Variants in UBE2D4 observed in about 807,000 individuals in gnomAD.
UBE2D4 encodes ubiquitin conjugating enzyme E2 D4.
UBE2D4 carries 17 observed loss-of-function variants against 23.0 expected under a neutral mutation model. The observed-to-expected ratio is 0.74, with a 90% CI of 0.51 to 1.11. The LOEUF is 1.11. Among genes scored for constraint, UBE2D4 ranks in the 50% least tolerant of loss-of-function variants. The pLI is 0.00. For missense variants in UBE2D4, 139 were observed against 181.8 expected (o/e 0.76, Z 1.35); for synonymous variants, 61 against 69.4 (o/e 0.88, Z 0.60).
rs907168172 is a variant in UBE2D4, at chr7:43,952,859, T to G, written c.*164T>G. ...CAGCTGCAGCATGTTGGTGCCATTTTCAGCAATTACGGCTTTGACAGTGCC... is the reference window on the plus strand; with the variant it reads ...CAGCTGCAGCATGTTGGTGCCATTTGCAGCAATTACGGCTTTGACAGTGCC... On this transcript the variant is annotated 3_prime_UTR_variant, in exon 7 of 7. Transcript: ENST00000222402. The G allele has an allele frequency of 3.1e-5, 19 of 620,910 alleles. No homozygotes were observed. In the African/African-American group the frequency reaches 3.3e-4, roughly 11 times the overall value. 38.5% of individuals were successfully genotyped at this position (620,910 alleles called of 1,614,324 possible). A position where few individuals can be genotyped will look rare whatever the true frequency, so the allele number is the denominator to read the frequency against.
chr7:43,937,415 C>T (rs1400643842), intron 1 of UBE2D4, among the ~76,000 whole-genome samples: 1 of 152,192 alleles, frequency 6.6e-6, no homozygotes, highest in Non-Finnish European at 1.5e-5. Flanking sequence ...CTTGTATGAC[C>T]TCACTTGTTC....
chr7:43,938,321 G>A (rs546256163), intron 1 of UBE2D4, 110 bp from the exon 2 acceptor site: 68 of 1,016,108 alleles, frequency 6.7e-5, no homozygotes, highest in Admixed American at 8.5e-5. Context: ...CCCCTCCTGA[G>A]GCCTAGGAGC....
At position 43,938,420 on chromosome 7, in the gene UBE2D4, T is replaced by C. The variant is rs2095963219; in HGVS notation, c.25-11T>C. 6.2e-7 allele frequency: 1 copy of C among 1,613,698 alleles called. No individual in the cohort carries two copies. The highest frequency in any genetic ancestry group is 8.5e-7 in the Non-Finnish European group (1 of 1,179,850). On this transcript the variant is annotated splice_polypyrimidine_tract_variant and intron_variant, in intron 1 of 6. Coordinates refer to ENST00000222402, the MANE Select transcript of UBE2D4 (RefSeq NM_015983.4). ...CATACAGCAGCTCTGACCCACTCTC[T>C]CATGTTCTAGGAATTAACCGACTTG...
At chr7:43,950,820 A>T in intron 6 of UBE2D4, 128 bp downstream of exon 6, 1 of 737,974 alleles carries the variant, frequency 1.4e-6, no homozygotes, top group Middle Eastern at 2.9e-4. Flanking sequence ...ATGCTGAGCC[A>T]TGTGCACAGA....
chr7:43,940,523 A>G (rs1003624870), intron 2 of UBE2D4, among the ~76,000 whole-genome samples: 2 of 152,326 alleles, frequency 1.3e-5, no homozygotes, highest in Non-Finnish European at 1.5e-5. Flanking sequence ...AGAGGCTAGC[A>G]TCAAGGCTAG....
At chr7:43,927,164 A>G (rs2095933414) in intron 1 of UBE2D4, among the ~76,000 whole-genome samples, 1 of 152,190 alleles carries the variant, frequency 6.6e-6, no homozygotes, top group African/African-American at 2.4e-5. Context: ...TAATTCTATC[A>G]CTTTACTATT....
intron 2 of UBE2D4, among the ~76,000 whole-genome samples, chr7:43,938,759 C>G (rs569112310): frequency 1.3e-5 from 2 of 152,224 alleles, no homozygotes; most frequent in Non-Finnish European, 2.9e-5. Flanking sequence ...TCGCTTGAAC[C>G]CAGGAGGCAG....
intron 4 of UBE2D4, among the ~76,000 whole-genome samples, chr7:43,946,887 TTTA>T (rs1326801160): frequency 6.6e-6 from 1 of 152,070 alleles, no homozygotes; most frequent in Non-Finnish European, 1.5e-5. Context: ...TTCTTTTTTT[TTTA>T]TTATTATACT....
Position 43,956,101 on chromosome 7 carries a change from AAAAC to A in UBE2D4, c.*3410_*3413del, listed in dbSNP as rs2096012520. On this transcript the variant is annotated 3_prime_UTR_variant, in exon 7 of 7. Transcript: ENST00000222402. ...CAGAGAAACTTTCTAAAAAAAAACA[AAAAC>A]AAAAGCTATAAAAAATCTGCAAAAC... The A allele has an allele frequency of 1.3e-5, 2 of 152,238 alleles. No homozygotes were observed. The highest frequency in any genetic ancestry group is 6.5e-5 in the Admixed American group (1 of 15,282). 9.4% of individuals were successfully genotyped at this position (152,238 alleles called of 1,614,324 possible).
At chr7:43,939,880 T>C (rs1193285392) in intron 2 of UBE2D4, among the ~76,000 whole-genome samples, 2 of 152,100 alleles carry the variant, frequency 1.3e-5, no homozygotes, top group African/African-American at 4.8e-5. Context: ...AGGAGAAATA[T>C]TGTTTCATGG....
chr7:43,950,814 T>A, intron 6 of UBE2D4, 122 bp downstream of exon 6: 2 of 766,476 alleles, frequency 2.6e-6, no homozygotes, highest in Non-Finnish European at 2.2e-6. Flanking sequence ...CTGCCCATGC[T>A]GAGCCATGTG....
intron 6 of UBE2D4, 35 bp downstream of exon 6, chr7:43,950,727 G>C (rs2096000506): frequency 1.9e-6 from 3 of 1,549,264 alleles, no homozygotes; most frequent in South Asian, 2.2e-5. Context: ...TTGCACCATG[G>C]CTGCCCCAGG....
At chr7:43,936,131 C>T (rs2095957762) in intron 1 of UBE2D4, among the ~76,000 whole-genome samples, 1 of 152,184 alleles carries the variant, frequency 6.6e-6, no homozygotes, top group Non-Finnish European at 1.5e-5. Context: ...CCTCGGCCTC[C>T]CAAAGTGCTG....
chr7:43,947,168 C>G (rs1482876866), intron 4 of UBE2D4: 1 of 150,756 alleles, frequency 6.6e-6, no homozygotes, highest in African/African-American at 2.4e-5. Flanking sequence ...GAGTTTCGCT[C>G]TTGTTGCCCA....
intron 1 of UBE2D4, among the ~76,000 whole-genome samples, chr7:43,931,464 A>G (rs570707232): frequency 1.3e-4 from 20 of 151,950 alleles, no homozygotes; most frequent in African/African-American, 4.8e-4. Flanking sequence ...CAAACAAACA[A>G]AACAGAAAAC....
Position 43,944,655 on chromosome 7 carries a change from A to G in UBE2D4, c.198+1624A>G, listed in dbSNP as rs2527813. 0.58 allele frequency: 87,660 copies of G among 152,022 alleles called. 25,461 individuals are homozygous for G. The highest frequency in any genetic ancestry group is 0.67 in the East Asian group (3,452 of 5,168). The allele number at this position is 152,022 out of a possible 1,614,324, so 9.4% of individuals were successfully genotyped here. A position where few individuals can be genotyped will look rare whatever the true frequency, so the allele number is the denominator to read the frequency against. On this transcript the variant is annotated intron_variant, in intron 4 of 6. Coordinates refer to ENST00000222402, the MANE Select transcript of UBE2D4 (RefSeq NM_015983.4). This position sits in a 1 kb window ranked among gnomAD's most constrained non-coding sequence, Gnocchi z 4.0. ...GATCCCAGAGACCTTTTAAGCTTTT[A>G]GCAAGGGAGTGGAGTGTGCTGAGCA...
At position 43,926,527 on chromosome 7, in the gene UBE2D4, G is replaced by C. The variant is rs772322567; in HGVS notation, c.-6G>C. 1.9e-6 allele frequency: 3 copies of C among 1,552,824 alleles called. No individual in the cohort carries two copies. The highest frequency in any genetic ancestry group is 2.6e-6 in the Non-Finnish European group (3 of 1,153,382). On this transcript the variant is annotated 5_prime_UTR_variant, in exon 1 of 7. Coordinates refer to ENST00000222402, the MANE Select transcript of UBE2D4 (RefSeq NM_015983.4). Reference sequence around the variant, plus strand: ...GGGCCGCCCGGGTCCCCGGCAGCGGGGTAGGATGGCGCTAAAGCGGATCCA... The same window carrying C: ...GGGCCGCCCGGGTCCCCGGCAGCGGCGTAGGATGGCGCTAAAGCGGATCCA...
At chr7:43,929,747 T>C (rs761781745) in intron 1 of UBE2D4, among the ~76,000 whole-genome samples, 4 of 152,224 alleles carry the variant, frequency 2.6e-5, no homozygotes, top group Non-Finnish European at 4.4e-5. Context: ...AAATTCTTAA[T>C]AATTATCGAA....
chr7:43,926,878 G>A (rs535369411), intron 1 of UBE2D4, among the ~76,000 whole-genome samples: 1 of 152,354 alleles, frequency 6.6e-6, no homozygotes, highest in South Asian at 2.1e-4. Context: ...TATCCAGAAG[G>A]GTATCCAGGA....
Sources: gnomAD v4.1 joint callset for allele counts (sites outside exome capture counted in the v4.1 genomes callset) on GRCh38, gnomAD v4.1.1 for gene constraint, Gnocchi (gnomAD v3.1) non-coding constraint, MANE v1.5 for transcripts, NCBI Gene and HGNC (gene_info 2026-07-23, HGNC 2026-07-21) for gene names.